GRIK2: variants seen among roughly 807,000 people sequenced by gnomAD.
The protein encoded by GRIK2 is glutamate receptor ionotropic, kainate 2.
In GRIK2, 32 loss-of-function variants were observed where a neutral mutation model predicts 100.3. The observed-to-expected ratio is 0.32, with a 90% CI of 0.24 to 0.43. GRIK2 has a LOEUF of 0.43. GRIK2 is among the 20% of genes least tolerant of loss of function. The pLI, the probability that GRIK2 is intolerant of heterozygous loss-of-function variation, is 1.00. For missense variants in GRIK2, 843 were observed against 1,114.9 expected (o/e 0.76, Z 3.47); for synonymous variants, 417 against 389.4 (o/e 1.07, Z -0.83).
intron 2 of GRIK2, among the ~76,000 whole-genome samples, chr6:101,414,237 T>G (rs938973893): frequency 6.6e-6 from 1 of 152,176 alleles, no homozygotes; most frequent in East Asian, 1.9e-4. Flanking sequence ...GAGGACCTCA[T>G]TCAGAAGTTT....
chr6:101,708,583 T>C (rs1193791577), intron 7 of GRIK2, among the ~76,000 whole-genome samples: 1 of 151,746 alleles, frequency 6.6e-6, no homozygotes, highest in Non-Finnish European at 1.5e-5. Context: ...TATGGGCATA[T>C]GCTAATTTAC....
At chr6:101,406,912 A>G (rs1473007072) in intron 2 of GRIK2, among the ~76,000 whole-genome samples, 1 of 152,112 alleles carries the variant, frequency 6.6e-6, no homozygotes, top group Non-Finnish European at 1.5e-5. Flanking sequence ...CTCCTTTTCA[A>G]TCAATTAGCT....
At chr6:101,423,616 A>G (rs1582416186) in intron 2 of GRIK2, among the ~76,000 whole-genome samples, 2 of 152,152 alleles carry the variant, frequency 1.3e-5, no homozygotes, top group Non-Finnish European at 2.9e-5. Flanking sequence ...ATGTCTATTC[A>G]TGTCTTTGCC....
intron 4 of GRIK2, among the ~76,000 whole-genome samples, chr6:101,637,799 T>C (rs544770195): frequency 1.3e-5 from 2 of 152,252 alleles, no homozygotes; most frequent in East Asian, 1.9e-4. Flanking sequence ...AATATTGTGC[T>C]GCAGCTTTCC....
chr6:102,017,668 A>T (rs965972098), intron 14 of GRIK2, among the ~76,000 whole-genome samples: 6 of 151,780 alleles, frequency 4.0e-5, no homozygotes, highest in African/African-American at 1.5e-4. Context: ...TGTGTATATT[A>T]TATATTTTAT....
intron 2 of GRIK2, among the ~76,000 whole-genome samples, chr6:101,428,720 T>C (rs1415949): frequency 0.057 from 8,647 of 151,772 alleles, 404 homozygotes; most frequent in South Asian, 0.15. Flanking sequence ...AATCATAGAG[T>C]TTAAAAGCAA....
At chr6:101,628,646 C>T (rs1780569872) in intron 4 of GRIK2, among the ~76,000 whole-genome samples, 1 of 152,166 alleles carries the variant, frequency 6.6e-6, no homozygotes, top group South Asian at 2.1e-4. Context: ...TGGTCATCTA[C>T]AAAACTATAT....
chr6:101,494,747 A>G (rs932159954), intron 2 of GRIK2, among the ~76,000 whole-genome samples: 1 of 151,186 alleles, frequency 6.6e-6, no homozygotes, highest in African/African-American at 2.4e-5. Context: ...CCTGGGCAAC[A>G]TGGTGAAACC....
At chr6:101,905,626 C>T (rs1230631099) in intron 12 of GRIK2, among the ~76,000 whole-genome samples, 3 of 151,450 alleles carry the variant, frequency 2.0e-5, no homozygotes, top group East Asian at 1.9e-4. Context: ...AACATTAATG[C>T]ACTTGTTTTT....
chr6:101,762,281 C>A (rs1777771889), intron 7 of GRIK2, among the ~76,000 whole-genome samples: 1 of 151,882 alleles, frequency 6.6e-6, no homozygotes, highest in African/African-American at 2.4e-5. Flanking sequence ...CTCGAATGAT[C>A]CTCCCATCTC....
At chr6:101,486,839 A>C (rs1314421819) in intron 2 of GRIK2, among the ~76,000 whole-genome samples, 1 of 146,992 alleles carries the variant, frequency 6.8e-6, no homozygotes, top group African/African-American at 2.6e-5. Flanking sequence ...GAAGTATATG[A>C]AATAGCACCA....
chr6:101,639,671 A>T (rs551697497), intron 4 of GRIK2, among the ~76,000 whole-genome samples: 5 of 152,254 alleles, frequency 3.3e-5, no homozygotes, highest in African/African-American at 9.6e-5. Context: ...GCTACTCAAC[A>T]TTCTATAAAC....
chr6:101,560,980 A>T (rs1254319444), intron 2 of GRIK2, among the ~76,000 whole-genome samples: 1 of 152,192 alleles, frequency 6.6e-6, no homozygotes, highest in African/African-American at 2.4e-5. Flanking sequence ...AGGCTTGGTT[A>T]TACATGCCTT....
intron 14 of GRIK2, among the ~76,000 whole-genome samples, chr6:101,928,885 G>T (rs954806347): frequency 6.6e-6 from 1 of 151,880 alleles, no homozygotes; most frequent in African/African-American, 2.4e-5. Context: ...TCAGCCCAAG[G>T]GTAACATTTT....
At chr6:101,767,922 A>G (rs755704159) in intron 7 of GRIK2, among the ~76,000 whole-genome samples, 19 of 152,012 alleles carry the variant, frequency 1.2e-4, no homozygotes, top group Admixed American at 5.2e-4. Flanking sequence ...CAGTGGTGCA[A>G]TCTCAGCTCA....
intron 16 of GRIK2, among the ~76,000 whole-genome samples, chr6:102,067,376 G>T (rs761331537): frequency 6.6e-6 from 1 of 151,596 alleles, no homozygotes; most frequent in Non-Finnish European, 1.5e-5. Context: ...AATATGTATC[G>T]GAAAATGACA....
chr6:101,836,351 A>C (rs1475374052), intron 10 of GRIK2, among the ~76,000 whole-genome samples: 1 of 152,064 alleles, frequency 6.6e-6, no homozygotes, highest in African/African-American at 2.4e-5. Flanking sequence ...TATGACTATT[A>C]AACACTTGAC....
At chr6:101,449,691 A>G (rs753304680) in intron 2 of GRIK2, among the ~76,000 whole-genome samples, 10 of 150,714 alleles carry the variant, frequency 6.6e-5, no homozygotes, top group Non-Finnish European at 1.3e-4. Context: ...CTGTGTCTCC[A>G]GAGTATTCTG....
intron 5 of GRIK2, among the ~76,000 whole-genome samples, chr6:101,678,350 A>C (rs1195211266): frequency 2.6e-5 from 4 of 152,066 alleles, no homozygotes; most frequent in Non-Finnish European, 4.4e-5. Flanking sequence ...TTGTTTGCAA[A>C]AGGAAAACAG....
Sources: gnomAD v4.1 joint callset for allele counts (sites outside exome capture counted in the v4.1 genomes callset) on GRCh38, gnomAD v4.1.1 for gene constraint, MANE v1.5 for transcripts, NCBI Gene and HGNC (gene_info 2026-07-23, HGNC 2026-07-21) for gene names.